PDE1A: variants seen among roughly 807,000 people sequenced by gnomAD.
PDE1A encodes dual specificity calcium/calmodulin-dependent 3',5'-cyclic nucleotide phosphodiesterase 1A.
A neutral mutation model predicts 61.7 loss-of-function variants in PDE1A; 35 were observed. That is an observed-to-expected ratio of 0.57 (90% CI 0.43 to 0.75). The LOEUF (loss-of-function observed/expected upper bound fraction) is 0.75. Among genes scored for constraint, PDE1A ranks in the 30% least tolerant of loss-of-function variants. The probability of loss-of-function intolerance (pLI) is 0.00; values close to 1 mark genes in which losing one functional copy is unlikely to be tolerated. For missense variants in PDE1A, 597 were observed against 630.6 expected (o/e 0.95, Z 0.57); for synonymous variants, 232 against 213.2 (o/e 1.09, Z -0.77).
chr2:182,262,955 ATGTGTGTGTGTGTGTGTG>A (rs60469609), intron 2 of PDE1A, among the ~76,000 whole-genome samples: 2 of 147,158 alleles, frequency 1.4e-5, no homozygotes, highest in African/African-American at 5.0e-5. Flanking sequence ...TTATTAAACA[ATGTGTGTGTGTGTGTGTG>A]TGTGTGTGTG....
At chr2:182,447,933 T>C (rs1182284608) in intron 2 of PDE1A, among the ~76,000 whole-genome samples, 6 of 152,110 alleles carry the variant, frequency 3.9e-5, no homozygotes, top group East Asian at 1.9e-4. Flanking sequence ...AGCACAAACA[T>C]TGGTCAACTT....
At chr2:182,637,663 C>T in the PDE1A span, among the ~76,000 whole-genome samples, 4 of 152,036 alleles carry the variant, frequency 2.6e-5, no homozygotes, top group Admixed American at 6.6e-5. Context: ...GGCTCACACC[C>T]GTAATTCCTG....
At chr2:182,309,161 G>C (rs1367827547) in intron 1 of PDE1A, among the ~76,000 whole-genome samples, 1 of 151,936 alleles carries the variant, frequency 6.6e-6, no homozygotes, top group Non-Finnish European at 1.5e-5. Flanking sequence ...TTATTTAAGA[G>C]ACTCAATTGC....
chr2:182,337,208 T>C (rs1318689897), intron 1 of PDE1A, among the ~76,000 whole-genome samples: 5 of 151,758 alleles, frequency 3.3e-5, no homozygotes, highest in African/African-American at 1.2e-4. Context: ...GGGAAAGGAT[T>C]TGAACAGAAA....
chr2:182,284,318 T>C (rs1215358378), intron 1 of PDE1A, among the ~76,000 whole-genome samples: 1 of 152,124 alleles, frequency 6.6e-6, no homozygotes, highest in Non-Finnish European at 1.5e-5. Context: ...CAAAATAACA[T>C]TTATACTTAC....
chr2:182,184,697 G>A (rs956310989), intron 13 of PDE1A, among the ~76,000 whole-genome samples: 2 of 152,144 alleles, frequency 1.3e-5, no homozygotes, highest in African/African-American at 4.8e-5. Flanking sequence ...ATACGAATGT[G>A]TGTGTCTGCC....
intron 2 of PDE1A, among the ~76,000 whole-genome samples, chr2:182,477,575 A>G (rs569563935): frequency 6.6e-6 from 1 of 151,916 alleles, no homozygotes; most frequent in Non-Finnish European, 1.5e-5. Context: ...CACATATGGT[A>G]AGTGCCATGT....
At chr2:182,461,504 C>A (rs989228135) in intron 2 of PDE1A, among the ~76,000 whole-genome samples, 13 of 151,994 alleles carry the variant, frequency 8.6e-5, no homozygotes, top group African/African-American at 2.7e-4. Flanking sequence ...GAATAATAAC[C>A]AAATAGGAAA....
intron 1 of PDE1A, among the ~76,000 whole-genome samples, chr2:182,323,019 C>A (rs1696798912): frequency 6.6e-6 from 1 of 152,068 alleles, no homozygotes; most frequent in Non-Finnish European, 1.5e-5. Flanking sequence ...GAGTGTTATA[C>A]ATAATATAAC....
the PDE1A span, among the ~76,000 whole-genome samples, chr2:182,619,646 A>G: frequency 6.6e-6 from 1 of 152,220 alleles, no homozygotes; most frequent in Non-Finnish European, 1.5e-5. Context: ...ATTAAATAGG[A>G]CAAGATTTTT....
chr2:182,230,987 C>A (rs779834453), intron 5 of PDE1A, 28 bp downstream of exon 5: 2 of 1,025,440 alleles, frequency 2.0e-6, no homozygotes, highest in Admixed American at 2.0e-5. Flanking sequence ...ATTCTAAGAG[C>A]ATTTCACTTT....
the PDE1A span, among the ~76,000 whole-genome samples, chr2:182,590,313 TAA>T: frequency 6.6e-6 from 1 of 151,984 alleles, no homozygotes; most frequent in African/African-American, 2.4e-5. Flanking sequence ...GCAAAAAATT[TAA>T]AAGTTAGCCA....
At chr2:182,404,481 T>C (rs1188921218) in intron 1 of PDE1A, among the ~76,000 whole-genome samples, 1 of 152,246 alleles carries the variant, frequency 6.6e-6, no homozygotes, top group Non-Finnish European at 1.5e-5. Flanking sequence ...ATTAACTTTT[T>C]CTTACTGTAA....
At chr2:182,501,957 C>T (rs1220767025) in intron 2 of PDE1A, among the ~76,000 whole-genome samples, 1 of 152,140 alleles carries the variant, frequency 6.6e-6, no homozygotes, top group Admixed American at 6.6e-5. Context: ...TGCATGGAAA[C>T]AGCTGAACTG....
chr2:182,651,382 T>C, the PDE1A span, among the ~76,000 whole-genome samples: 3 of 152,194 alleles, frequency 2.0e-5, no homozygotes, highest in Non-Finnish European at 4.4e-5. Flanking sequence ...TTGAGAAATG[T>C]GAAAAATTTG....
intron 1 of PDE1A, among the ~76,000 whole-genome samples, chr2:182,357,323 A>G (rs1182757706): frequency 6.6e-6 from 1 of 152,102 alleles, no homozygotes; most frequent in Non-Finnish European, 1.5e-5. Flanking sequence ...GTAAAGGAAA[A>G]CCAGAAGGGA....
intron 1 of PDE1A, among the ~76,000 whole-genome samples, chr2:182,341,551 G>A (rs992891867): frequency 3.3e-5 from 5 of 152,050 alleles, no homozygotes; most frequent in Admixed American, 1.3e-4. Context: ...CTCCAGCCTG[G>A]CCTGGTCATA....
chr2:182,531,493 G>A, the PDE1A span, among the ~76,000 whole-genome samples: 5 of 151,910 alleles, frequency 3.3e-5, no homozygotes, highest in East Asian at 1.9e-4. Context: ...AAAGGGCATA[G>A]CCTAAAGATA....
the PDE1A span, among the ~76,000 whole-genome samples, chr2:182,550,130 T>C: frequency 6.6e-6 from 1 of 152,192 alleles, no homozygotes; most frequent in Non-Finnish European, 1.5e-5. Flanking sequence ...AGAATCCAGG[T>C]TCTACCTCTG....
Sources: gnomAD v4.1 joint callset for allele counts (sites outside exome capture counted in the v4.1 genomes callset) on GRCh38, gnomAD v4.1.1 for gene constraint, MANE v1.5 for transcripts, NCBI Gene and HGNC (gene_info 2026-07-23, HGNC 2026-07-21) for gene names.